MSTO1: variants seen among roughly 807,000 people sequenced by gnomAD.
MSTO1 encodes misato mitochondrial distribution and morphology regulator 1.
A neutral mutation model predicts 55.7 loss-of-function variants in MSTO1; 24 were observed. The observed-to-expected ratio is 0.43, with a 90% CI of 0.31 to 0.61. MSTO1 has a LOEUF of 0.61. Among genes scored for constraint, MSTO1 ranks in the 20% least tolerant of loss-of-function variants. MSTO1 has a pLI of 0.09. For synonymous variants in MSTO1, 162 were observed against 252.8 expected (o/e 0.64, Z 3.41); for missense variants, 363 against 625.7 (o/e 0.58, Z 4.48).
upstream of MSTO1, among the ~76,000 whole-genome samples, chr1:155,607,395 C>T (rs1191293429): frequency 5.3e-5 from 8 of 151,832 alleles, no homozygotes; most frequent in Non-Finnish European, 8.8e-5. Flanking sequence ...AGGATGGTCT[C>T]GAACTCCTGA....
upstream of MSTO1, among the ~76,000 whole-genome samples, chr1:155,606,153 C>T (rs1317751889): frequency 1.3e-5 from 2 of 150,798 alleles, no homozygotes; most frequent in East Asian, 3.9e-4. Flanking sequence ...CCTGCCTCAG[C>T]CTCCCGAGTA....
At chr1:155,606,328 G>A (rs1672934880), upstream of MSTO1, among the ~76,000 whole-genome samples, 1 of 147,418 alleles carries the variant, frequency 6.8e-6, no homozygotes, top group South Asian at 2.1e-4. Context: ...CAAAATGCTG[G>A]GGATTACAGG....
the MSTO1 span, among the ~76,000 whole-genome samples, chr1:155,591,965 T>A: frequency 6.6e-6 from 1 of 152,084 alleles, no homozygotes; most frequent in Non-Finnish European, 1.5e-5. Context: ...TAACAAAAAT[T>A]TCATCACATT....
chr1:155,606,928 G>A (rs982675666), upstream of MSTO1, among the ~76,000 whole-genome samples: 1 of 151,362 alleles, frequency 6.6e-6, no homozygotes, highest in Non-Finnish European at 1.5e-5. Context: ...TTTGCCTGTC[G>A]GGTTCAAGCA....
At chr1:155,590,607 G>A in the MSTO1 span, 34 of 1,324,616 alleles carry the variant, frequency 2.6e-5, no homozygotes, top group African/African-American at 4.4e-5. Context: ...CATGTCAGAC[G>A]TAATTCTTGG....
chr1:155,606,395 CTTCT>C (rs1365661683), upstream of MSTO1, among the ~76,000 whole-genome samples: 1 of 148,284 alleles, frequency 6.7e-6, no homozygotes, highest in African/African-American at 2.5e-5. Flanking sequence ...TTTTCTTCTT[CTTCT>C]TTCTTTTTCT....
the MSTO1 span, chr1:155,590,826 G>T: frequency 2.5e-6 from 4 of 1,607,470 alleles, no homozygotes; most frequent in East Asian, 6.7e-5. Context: ...GGTTATAGAA[G>T]TCCCAGATGA....
the MSTO1 span, among the ~76,000 whole-genome samples, chr1:155,577,560 G>A: frequency 6.6e-6 from 1 of 152,042 alleles, no homozygotes; most frequent in African/African-American, 2.4e-5. Context: ...GAAGTGTCTT[G>A]GCATCCATGT....
At chr1:155,600,512 G>T in the MSTO1 span, among the ~76,000 whole-genome samples, 9 of 151,914 alleles carry the variant, frequency 5.9e-5, no homozygotes, top group Non-Finnish European at 8.8e-5. Context: ...CACAGCATAT[G>T]TCCCTTTTTT....
At chr1:155,613,292 C>T (rs1674727430) in intron 11 of MSTO1, 59 bp downstream of exon 11, 1 of 1,588,872 alleles carries the variant, frequency 6.3e-7, no homozygotes. Flanking sequence ...TCCATCTTCC[C>T]CTAATTTCTC....
intron 11 of MSTO1, 30 bp from the exon 12 acceptor site, chr1:155,613,432 C>G (rs1448333699): frequency 3.1e-6 from 5 of 1,613,536 alleles, no homozygotes; most frequent in Non-Finnish European, 4.2e-6. Context: ...CAGCCACAGA[C>G]TAATGGTGGT....
chr1:155,581,957 CTT>C, the MSTO1 span, among the ~76,000 whole-genome samples: 15 of 134,482 alleles, frequency 1.1e-4, no homozygotes, highest in Admixed American at 1.5e-4. Flanking sequence ...CCATGTCTGG[CTT>C]TTTTTTTTTT....
At chr1:155,604,841 C>T in the MSTO1 span, among the ~76,000 whole-genome samples, 1 of 152,070 alleles carries the variant, frequency 6.6e-6, no homozygotes, top group Non-Finnish European at 1.5e-5. Context: ...TGCCACTGCA[C>T]TCCGGCTTGA....
chr1:155,605,745 C>T (rs1672925562), upstream of MSTO1, among the ~76,000 whole-genome samples: 1 of 152,156 alleles, frequency 6.6e-6, no homozygotes, highest in Non-Finnish European at 1.5e-5. Flanking sequence ...CATTGCACTC[C>T]CTCCAGCCTG....
At chr1:155,609,434 G>C (rs1161626878), upstream of MSTO1, among the ~76,000 whole-genome samples, 1 of 150,404 alleles carries the variant, frequency 6.6e-6, no homozygotes, top group Non-Finnish European at 1.5e-5. Flanking sequence ...ATTTTTAGTA[G>C]AGATGGGGTT....
At chr1:155,583,765 C>T in the MSTO1 span, among the ~76,000 whole-genome samples, 1 of 152,134 alleles carries the variant, frequency 6.6e-6, no homozygotes, top group Non-Finnish European at 1.5e-5. Flanking sequence ...GAAAGAAGGG[C>T]ATCTGGACCA....
upstream of MSTO1, among the ~76,000 whole-genome samples, chr1:155,607,525 G>T (rs1290292695): frequency 1.3e-5 from 2 of 152,182 alleles, no homozygotes; most frequent in Non-Finnish European, 2.9e-5. Context: ...ATAATCTAAC[G>T]ATGTAATTTA....
chr1:155,578,732 G>A, the MSTO1 span, among the ~76,000 whole-genome samples: 1 of 148,856 alleles, frequency 6.7e-6, no homozygotes, highest in East Asian at 2.1e-4. Flanking sequence ...AGATGGTCTC[G>A]ATCTCCTGAC....
At chr1:155,611,897 G>A (rs1674155313) in intron 6 of MSTO1, 70 bp downstream of exon 6, 3 of 737,212 alleles carry the variant, frequency 4.1e-6, no homozygotes, top group Non-Finnish European at 6.3e-6. Context: ...GGCTCTTGAG[G>A]CCATCTTCCC....
Sources: allele counts gnomAD v4.1 joint callset (sites outside exome capture counted in the v4.1 genomes callset), GRCh38; gene constraint gnomAD v4.1.1; transcripts MANE v1.5; gene names NCBI Gene and HGNC (gene_info 2026-07-23, HGNC 2026-07-21).